The following LRRC37A2 variants were observed in gnomAD, a reference collection of about 807,000 sequenced individuals.
LRRC37A2 encodes leucine rich repeat containing 37 member A2.
LRRC37A2 carries 9 observed loss-of-function variants against 68.8 expected under a neutral mutation model. The observed-to-expected ratio is 0.13, with a 90% CI of 0.08 to 0.23. LRRC37A2 has a LOEUF of 0.23. Ranked by LOEUF, LRRC37A2 falls within the 10% of genes least tolerant of loss-of-function variation. The pLI is 1.00. For missense variants in LRRC37A2, 168 were observed against 950.4 expected, an observed-to-expected ratio of 0.18 and a Z score of 10.82; for synonymous variants, 63 against 367.6, an observed-to-expected ratio of 0.17 and a Z score of 9.48.
chr17:46,675,762 G>A, the LRRC37A2 span, among the ~76,000 whole-genome samples: 26 of 115,764 alleles, frequency 2.2e-4, 3 homozygotes, highest in African/African-American at 9.8e-4. Flanking sequence ...TGAGATTTCT[G>A]GTTCTAGCAA....
the LRRC37A2 span, among the ~76,000 whole-genome samples, chr17:46,770,981 G>C: frequency 1.3e-5 from 2 of 152,256 alleles, no homozygotes; most frequent in South Asian, 4.1e-4. Context: ...CACAGGCTGT[G>C]AAACGCCGGG....
chr17:47,028,830 TA>T, the LRRC37A2 span, among the ~76,000 whole-genome samples: 2 of 151,278 alleles, frequency 1.3e-5, no homozygotes, highest in Non-Finnish European at 2.9e-5. Context: ...TCCTTGCAGC[TA>T]AATGTTGCAG....
chr17:46,904,437 G>A, the LRRC37A2 span, among the ~76,000 whole-genome samples: 1 of 142,916 alleles, frequency 7.0e-6, no homozygotes, highest in Admixed American at 7.2e-5. Context: ...TGGCTGGGTG[G>A]CTGGCTGACT....
the LRRC37A2 span, chr17:46,923,796 ATAACT>A: frequency 2.5e-6 from 1 of 405,124 alleles, no homozygotes; most frequent in Admixed American, 4.4e-5. Flanking sequence ...TTAGTTTCTC[ATAACT>A]TAAATTCCTT....
chr17:46,791,213 T>A, the LRRC37A2 span, among the ~76,000 whole-genome samples: 6 of 151,806 alleles, frequency 4.0e-5, no homozygotes, highest in Admixed American at 2.6e-4. Context: ...TCGCTTTCCT[T>A]ACTCTTTTTT....
At chr17:47,009,080 C>T in the LRRC37A2 span, among the ~76,000 whole-genome samples, 1 of 151,794 alleles carries the variant, frequency 6.6e-6, no homozygotes, top group Non-Finnish European at 1.5e-5. Flanking sequence ...CTGCAGTGAA[C>T]TGAGATCACA....
chr17:46,866,807 G>A, the LRRC37A2 span, among the ~76,000 whole-genome samples: 1 of 152,076 alleles, frequency 6.6e-6, no homozygotes, highest in Admixed American at 6.6e-5. Flanking sequence ...CCACATCCTG[G>A]GGATAGCCTC....
chr17:46,691,429 T>C, the LRRC37A2 span, among the ~76,000 whole-genome samples: 5 of 115,752 alleles, frequency 4.3e-5, no homozygotes, highest in Non-Finnish European at 8.7e-5. Flanking sequence ...ACCCCGTCTC[T>C]ACTAAAAATA....
chr17:46,502,327 C>T, the LRRC37A2 span, among the ~76,000 whole-genome samples: 11 of 151,164 alleles, frequency 7.3e-5, no homozygotes, highest in South Asian at 2.1e-4. Flanking sequence ...TTTGTTTTTT[C>T]GAGGTGGAGT....
At chr17:46,942,516 TG>T in the LRRC37A2 span, among the ~76,000 whole-genome samples, 1 of 152,202 alleles carries the variant, frequency 6.6e-6, no homozygotes, top group South Asian at 2.1e-4. Context: ...GGTGCTCTGC[TG>T]GGGTCTGGGG....
chr17:46,749,992 T>C, the LRRC37A2 span: 1 of 1,424,904 alleles, frequency 7.0e-7, no homozygotes, highest in Admixed American at 1.9e-5. Context: ...ACCTGGTGTT[T>C]GGTTTTTATG....
At chr17:46,960,269 T>C in the LRRC37A2 span, among the ~76,000 whole-genome samples, 1 of 152,202 alleles carries the variant, frequency 6.6e-6, no homozygotes, top group Non-Finnish European at 1.5e-5. Context: ...CATCATTCAA[T>C]AGAAGACAAA....
At chr17:46,450,458 TC>T in the LRRC37A2 span, among the ~76,000 whole-genome samples, 1 of 49,568 alleles carries the variant, frequency 2.0e-5, no homozygotes, top group Non-Finnish European at 3.8e-5. Flanking sequence ...CCTCAGTATT[TC>T]TTGGAACAGA....
the LRRC37A2 span, among the ~76,000 whole-genome samples, chr17:46,836,013 T>TCTGGATGGGGCC: frequency 2.6e-5 from 4 of 151,414 alleles, no homozygotes; most frequent in East Asian, 7.8e-4. Flanking sequence ...GCCCACACAT[T>TCTGGATGGGGCC]CTGGATGGGG....
chr17:46,758,319 A>G, the LRRC37A2 span, among the ~76,000 whole-genome samples: 1 of 152,214 alleles, frequency 6.6e-6, no homozygotes. Flanking sequence ...CCACAACGGG[A>G]GTTCCTGGGA....
the LRRC37A2 span, among the ~76,000 whole-genome samples, chr17:46,787,961 A>G: frequency 0.011 from 1,627 of 151,408 alleles, 25 homozygotes; most frequent in African/African-American, 0.036. Flanking sequence ...GCCTCAGAAA[A>G]AAAAAAAAAA....
At chr17:46,873,347 C>T in the LRRC37A2 span, among the ~76,000 whole-genome samples, 1 of 152,072 alleles carries the variant, frequency 6.6e-6, no homozygotes, top group Non-Finnish European at 1.5e-5. Flanking sequence ...GTGAGCCAGG[C>T]ACTGTGCCAG....
At chr17:46,991,852 T>G in the LRRC37A2 span, among the ~76,000 whole-genome samples, 1 of 152,378 alleles carries the variant, frequency 6.6e-6, no homozygotes, top group East Asian at 1.9e-4. Flanking sequence ...GATCTGTGGC[T>G]GCTTTTTTGC....
At chr17:46,804,448 T>A in the LRRC37A2 span, among the ~76,000 whole-genome samples, 2 of 152,298 alleles carry the variant, frequency 1.3e-5, no homozygotes, top group Admixed American at 1.3e-4. Context: ...AGGGCAGGCA[T>A]GCTGGATTCC....
Sources: allele counts gnomAD v4.1 joint callset (sites outside exome capture counted in the v4.1 genomes callset), GRCh38; gene constraint gnomAD v4.1.1; transcripts MANE v1.5; gene names NCBI Gene and HGNC (gene_info 2026-07-23, HGNC 2026-07-21).